SIRT2: variants seen among roughly 807,000 people sequenced by gnomAD.
SIRT2 encodes NAD-dependent protein deacetylase sirtuin-2.
Under a neutral mutation model 57.4 loss-of-function variants are expected in SIRT2, and 40 were observed. The observed-to-expected ratio is 0.70, with a 90% CI of 0.54 to 0.91. The LOEUF (loss-of-function observed/expected upper bound fraction) is 0.91, where lower values mean the gene tolerates loss of function less well. SIRT2 is among the 40% of genes least tolerant of loss of function. SIRT2 has a pLI of 0.00. For synonymous variants in SIRT2, 161 were observed against 195.7 expected, an observed-to-expected ratio of 0.82 and a Z score of 1.48; for missense variants, 439 against 510.4, an observed-to-expected ratio of 0.86 and a Z score of 1.35.
chr19:38,888,033 C>A (rs573481055), intron 8 of SIRT2, among the ~76,000 whole-genome samples: 1 of 151,818 alleles, frequency 6.6e-6, no homozygotes, highest in African/African-American at 2.4e-5. Flanking sequence ...GGATTACAGG[C>A]GTGAGCCACC....
At chr19:38,896,122 CAGAG>C (rs1205634017) in intron 2 of SIRT2, among the ~76,000 whole-genome samples, 1 of 151,730 alleles carries the variant, frequency 6.6e-6, no homozygotes, top group African/African-American at 2.4e-5. Context: ...GAGAGAGAGA[CAGAG>C]AGAAAGAGAG....
intron 2 of SIRT2, among the ~76,000 whole-genome samples, chr19:38,897,859 G>T (rs1349655047): frequency 6.6e-6 from 1 of 151,864 alleles, no homozygotes; most frequent in Non-Finnish European, 1.5e-5. Flanking sequence ...ACTTTTTAGA[G>T]AAAGGGTCTT....
chr19:38,878,601 T>A lies in SIRT2; in HGVS notation c.*554A>T, dbSNP rs1456638061. 1 of 152,452 alleles carries A rather than the reference T, an allele frequency of 6.6e-6. No homozygotes were observed. The highest frequency in any genetic ancestry group is 1.5e-5 in the Non-Finnish European group (1 of 68,190). The allele number at this position is 152,452 out of a possible 1,614,324, so 9.4% of individuals were successfully genotyped here. On this transcript the variant is annotated 3_prime_UTR_variant, in exon 16 of 16. Coordinates refer to ENST00000249396, the MANE Select transcript of SIRT2 (RefSeq NM_012237.4). ...TTTTTAATTTGTCTCCAATAAGCAA[T>A]GTCTTCTGCCCATCCAGCATGGGAA...
intron 2 of SIRT2, among the ~76,000 whole-genome samples, chr19:38,897,450 G>C (rs1418195113): frequency 6.6e-6 from 1 of 152,150 alleles, no homozygotes; most frequent in East Asian, 1.9e-4. Flanking sequence ...CCAGGGAATG[G>C]CCTGGCTAGA....
chr19:38,898,215 C>T (rs531019284), intron 2 of SIRT2, among the ~76,000 whole-genome samples, 164 bp downstream of exon 2: 1 of 152,336 alleles, frequency 6.6e-6, no homozygotes, highest in South Asian at 2.1e-4. Flanking sequence ...CTGACAATCC[C>T]CAGAATCTGC....
intron 8 of SIRT2, among the ~76,000 whole-genome samples, chr19:38,887,885 G>A (rs1416469118): frequency 3.9e-5 from 6 of 151,950 alleles, no homozygotes; most frequent in Non-Finnish European, 7.4e-5. Context: ...TCAGCCTCCC[G>A]AGTAGCTGGG....
In SIRT2 at chr19:38,889,168, G is replaced by A. The variant is rs2144687359; in HGVS notation, c.433-13C>T. The A allele has an allele frequency of 6.2e-7, 1 of 1,612,362 alleles. No homozygotes were observed. Among genetic ancestry groups the A allele is most frequent in the Non-Finnish European group, 8.5e-7 (1 of 1,179,562 alleles). Reference sequence around the variant, plus strand: ...GACAGATGGTTGGCTGCAGGGAAGAGCGACAGCACTGCTGACGACTGCAGG... The same window carrying A: ...GACAGATGGTTGGCTGCAGGGAAGAACGACAGCACTGCTGACGACTGCAGG... On this transcript the variant is annotated splice_polypyrimidine_tract_variant and intron_variant, in intron 7 of 15. Coordinates refer to ENST00000249396, the MANE Select transcript of SIRT2 (RefSeq NM_012237.4).
At chr19:38,894,247 C>G (rs568188604) in intron 2 of SIRT2, 1 of 251,624 alleles carries the variant, frequency 4.0e-6, no homozygotes, top group Admixed American at 5.0e-5. Context: ...CAGGCACGTG[C>G]CACCATGCCA....
At chr19:38,881,758 G>A (rs1973163212) in intron 9 of SIRT2, among the ~76,000 whole-genome samples, 1 of 151,760 alleles carries the variant, frequency 6.6e-6, no homozygotes, top group Admixed American at 6.6e-5. Flanking sequence ...CACGATCATG[G>A]CTTACTGTAG....
intron 15 of SIRT2, 56 bp downstream of exon 15, chr19:38,879,378 G>T (rs1036709849): frequency 2.5e-6 from 4 of 1,599,946 alleles, no homozygotes; most frequent in Non-Finnish European, 3.4e-6. Flanking sequence ...CCCATGGGGT[G>T]GGGAGAGGGT....
intron 8 of SIRT2, among the ~76,000 whole-genome samples, 194 bp from the exon 9 acceptor site, chr19:38,883,950 G>A (rs1973241501): frequency 6.6e-6 from 1 of 152,132 alleles, no homozygotes; most frequent in African/African-American, 2.4e-5. Flanking sequence ...CTTAAAGGGT[G>A]ACAGTCAAGG....
chr19:38,893,381 G>A, intron 4 of SIRT2, 33 bp downstream of exon 4: 1 of 1,392,738 alleles, frequency 7.2e-7, no homozygotes, highest in South Asian at 1.2e-5. Context: ...CCAGGAGCCA[G>A]GCAAAGTGGC....
At chr19:38,886,772 C>A (rs1479286538) in intron 8 of SIRT2, among the ~76,000 whole-genome samples, 1 of 151,926 alleles carries the variant, frequency 6.6e-6, no homozygotes. Context: ...CAGGCACGCA[C>A]CACCACACCC....
At chr19:38,883,370 T>C (rs1194661165) in intron 9 of SIRT2, among the ~76,000 whole-genome samples, 3 of 152,056 alleles carry the variant, frequency 2.0e-5, no homozygotes, top group African/African-American at 7.2e-5. Context: ...ATTACAGGTG[T>C]GAGCCACTGC....
At chr19:38,897,765 A>G (rs1421757762) in intron 2 of SIRT2, among the ~76,000 whole-genome samples, 2 of 151,990 alleles carry the variant, frequency 1.3e-5, no homozygotes, top group Non-Finnish European at 2.9e-5. Flanking sequence ...GGCTCAAGCG[A>G]TCCTCCTACC....
At position 38,889,672 on chromosome 19, in the gene SIRT2, C is replaced by G; in HGVS notation, c.432+17G>C. On this transcript the variant is annotated intron_variant, in intron 7 of 15. Coordinates refer to ENST00000249396, the MANE Select transcript of SIRT2 (RefSeq NM_012237.4). ...CCAACCCTTCCTGTTTCGCCCCCTG[C>G]AAAACAAAGATCTCACCTTGAACTG... 6.2e-7 allele frequency: 1 copy of G among 1,613,564 alleles called. No individual in the cohort carries two copies.
chr19:38,889,288 G>T, intron 7 of SIRT2, 133 bp from the exon 8 acceptor site: 2 of 784,008 alleles, frequency 2.6e-6, no homozygotes, highest in African/African-American at 1.7e-5. Context: ...GCGTCGGGGA[G>T]AGACCACTGC....
intron 2 of SIRT2, chr19:38,894,104 T>C: frequency 1.3e-6 from 1 of 745,080 alleles, no homozygotes; most frequent in Non-Finnish European, 2.1e-6. Flanking sequence ...TTTGCTTTGC[T>C]TTTCTTTTTT....
Position 38,889,210 on chromosome 19 carries a change from C to A in SIRT2, c.433-55G>T, listed in dbSNP as rs1339505260. 151 of 1,514,608 alleles carry A rather than the reference C, an allele frequency of 1.0e-4. 2 individuals are homozygous for A. The highest frequency in any genetic ancestry group is 9.2e-5 in the Non-Finnish European group (100 of 1,090,700). 93.8% of individuals were successfully genotyped at this position (1,514,608 alleles called of 1,614,324 possible). A position where few individuals can be genotyped will look rare whatever the true frequency, so the allele number is the denominator to read the frequency against. Reference sequence around the variant, plus strand: ...GACTGCAGGGAACAGCCACAGGCCACTGCCGCATGCCAGGAACTGTTCTAG... The same window carrying A: ...GACTGCAGGGAACAGCCACAGGCCAATGCCGCATGCCAGGAACTGTTCTAG... On this transcript the variant is annotated intron_variant, in intron 7 of 15. Coordinates refer to ENST00000249396, the MANE Select transcript of SIRT2 (RefSeq NM_012237.4).
Sources: allele counts gnomAD v4.1 joint callset (sites outside exome capture counted in the v4.1 genomes callset), GRCh38; gene constraint gnomAD v4.1.1; transcripts MANE v1.5; gene names NCBI Gene and HGNC (gene_info 2026-07-23, HGNC 2026-07-21).